ITGA1: variants seen among roughly 807,000 people sequenced by gnomAD.
ITGA1 encodes the protein integrin subunit alpha 1, also known as integrin alpha-1.
ITGA1 carries 85 observed loss-of-function variants against 145.9 expected under a neutral mutation model. The ratio of observed to expected loss-of-function variants is 0.58; its 90% CI spans 0.49 to 0.70. ITGA1 has a LOEUF of 0.70. Ranked by LOEUF, ITGA1 falls within the 30% of genes least tolerant of loss-of-function variation. The pLI, the probability that ITGA1 is intolerant of heterozygous loss-of-function variation, is 0.00. For missense variants in ITGA1, 1,351 were observed against 1,418.7 expected (o/e 0.95, Z 0.77); for synonymous variants, 520 against 495.3 (o/e 1.05, Z -0.66).
intron 1 of ITGA1, among the ~76,000 whole-genome samples, chr5:52,841,630 C>A (rs537987627): frequency 6.6e-6 from 1 of 152,108 alleles, no homozygotes; most frequent in African/African-American, 2.4e-5. Flanking sequence ...ATTTCCAACC[C>A]ATAAGACTAA....
chr5:52,941,115 C>A lies in ITGA1; in HGVS notation c.3285+1171C>A, dbSNP rs550594321. ...TTGCTGCAAAGGACATGATTTTGTTCTTTTTTATGGCTGTGCAGTGTTCCA... is the reference window on the plus strand; with the variant it reads ...TTGCTGCAAAGGACATGATTTTGTTATTTTTTATGGCTGTGCAGTGTTCCA... On this transcript the variant is annotated intron_variant, in intron 26 of 28. Coordinates refer to ENST00000282588, the MANE Select transcript of ITGA1 (RefSeq NM_181501.2). Among the ~76,000 whole-genome samples, 15 of 152,086 alleles carry A rather than the reference C, an allele frequency of 9.9e-5. 1 individual carries two copies. Among genetic ancestry groups the A allele is most frequent in the Admixed American group, 9.8e-4 (15 of 15,266 alleles).
rs887666573 is a variant in ITGA1, at chr5:52,937,059, A to G, written c.2965-342A>G. On this transcript the variant is annotated intron_variant, in intron 23 of 28. Coordinates refer to ENST00000282588, the MANE Select transcript of ITGA1 (RefSeq NM_181501.2). ...AAAGACTGGTATGTTAAAAAAAAAA[A>G]AAAGAAAGAAAAAGAAAAGAATGAG... Among the ~76,000 whole-genome samples, 41 of 141,830 alleles carry G rather than the reference A, an allele frequency of 2.9e-4. 1 individual carries two copies. Among genetic ancestry groups the G allele is most frequent in the African/African-American group, 1.1e-3 (40 of 36,134 alleles). The allele number at this position is 141,830 out of a possible 152,430, so 93.0% of individuals were successfully genotyped here.
At chr5:52,841,430 C>T (rs1749252578) in intron 1 of ITGA1, among the ~76,000 whole-genome samples, 2 of 152,098 alleles carry the variant, frequency 1.3e-5, no homozygotes, top group Non-Finnish European at 1.5e-5. Flanking sequence ...GTCTGTGGCT[C>T]CTCCTTCTCA....
At chr5:52,913,170 C>G (rs531886965) in intron 14 of ITGA1, among the ~76,000 whole-genome samples, 1 of 152,168 alleles carries the variant, frequency 6.6e-6, no homozygotes, top group East Asian at 1.9e-4. Flanking sequence ...TGTTTAACAT[C>G]TGTTAAATTT....
At chr5:52,826,981 A>G (rs1404675969) in intron 1 of ITGA1, among the ~76,000 whole-genome samples, 3 of 152,050 alleles carry the variant, frequency 2.0e-5, no homozygotes, top group Non-Finnish European at 2.9e-5. Flanking sequence ...TAAGAAATAC[A>G]TTTCATAAGA....
chr5:52,865,645 A>G (rs1000808866), intron 5 of ITGA1, 45 bp from the exon 6 acceptor site: 3 of 1,407,018 alleles, frequency 2.1e-6, no homozygotes, highest in Non-Finnish European at 2.8e-6. Context: ...TATGCCTCTG[A>G]AAAAAATAGA....
chr5:52,890,728 G>C (rs1445993794), intron 8 of ITGA1, among the ~76,000 whole-genome samples: 1 of 152,074 alleles, frequency 6.6e-6, no homozygotes, highest in Non-Finnish European at 1.5e-5. Flanking sequence ...CTTTGTGTTG[G>C]GAATATTCCA....
At position 52,788,212 on chromosome 5, in the gene ITGA1, G is replaced by C; in HGVS notation, c.-142G>C. 1 of 539,932 alleles carries C rather than the reference G, an allele frequency of 1.9e-6. No individual in the cohort carries two copies. Among genetic ancestry groups the C allele is most frequent in the Non-Finnish European group, 3.1e-6 (1 of 321,458 alleles). The allele number at this position is 539,932 out of a possible 1,614,324, so 33.4% of individuals were successfully genotyped here. On this transcript the variant is annotated 5_prime_UTR_variant, in exon 1 of 29. Transcript: ENST00000282588. ...AAACACAGGAAATCACTCCTCTCCC[G>C]CTCCTGGGCGCCGCTGCCACTGGGG...
intron 11 of ITGA1, chr5:52,903,899 T>A (rs530319775): frequency 6.6e-6 from 1 of 152,334 alleles, no homozygotes; most frequent in Non-Finnish European, 1.5e-5. Context: ...CCTGAGATGA[T>A]CTCTTAAAAT....
rs1353358217 is a variant in ITGA1, at chr5:52,910,327, A to C, written c.1765A>C (p.Ile589Leu). The C allele has an allele frequency of 1.9e-6, 3 of 1,613,864 alleles. No homozygotes were observed. Among genetic ancestry groups the C allele is most frequent in the Non-Finnish European group, 1.7e-6 (2 of 1,179,942 alleles). Reference sequence around the variant, plus strand: ...CCTCAATCTTGATGGATTTAATGACATCGTGATAGGAGCTCCGCTGGAAGA... The same window carrying C: ...CCTCAATCTTGATGGATTTAATGACCTCGTGATAGGAGCTCCGCTGGAAGA... The part of the protein sequence containing the change: ...KDLNLDGFND[I>L]VIGAPLEDDH... Residue 589 changes from isoleucine to leucine, a missense_variant, in exon 14 of 29, where the codon ATC (isoleucine) becomes CTC (leucine). Physicochemically the swap from Ile to Leu is conservative, Grantham distance 5 (BLOSUM62 2). Coordinates refer to ENST00000282588, the MANE Select transcript of ITGA1 (RefSeq NM_181501.2).
At chr5:52,924,806 ATGG>A (rs1259176552) in intron 18 of ITGA1, among the ~76,000 whole-genome samples, 1 of 152,170 alleles carries the variant, frequency 6.6e-6, no homozygotes, top group African/African-American at 2.4e-5. Context: ...TGAGTTACAT[ATGG>A]TGGTGGTGGA....
rs999606462 is a variant in ITGA1 at position 52,897,493 on chromosome 5, A to G, written c.1129A>G (p.Met377Val). 6.2e-7 allele frequency: 1 copy of G among 1,613,354 alleles called. No individual in the cohort carries two copies. Among genetic ancestry groups the G allele is most frequent in the Admixed American group, 1.7e-5 (1 of 59,972 alleles). The change falls in exon 10 of 29, where the codon ATG (methionine) becomes GTG (valine). Residue 377 changes from methionine to valine, a missense_variant. By Grantham distance (21) the Met-to-Val change is conservative. Transcript: ENST00000282588. The stretch of plus-strand genomic sequence containing the variant: ...GTCAGCAGCTTCATTTGAAATGGAA[A>G]TGTCTCAGACTGGCTTCAGTGCTCA... ...DQSAASFEME[M>V]SQTGFSAHYS...
intron 1 of ITGA1, among the ~76,000 whole-genome samples, chr5:52,799,509 G>C (rs1748410517): frequency 6.6e-6 from 1 of 152,192 alleles, no homozygotes; most frequent in African/African-American, 2.4e-5. Context: ...GTCCACCCAG[G>C]GGTAAATTCC....
At chr5:52,893,862 C>A (rs777296896) in intron 9 of ITGA1, 22 bp downstream of exon 9, 2 of 1,566,590 alleles carry the variant, frequency 1.3e-6, no homozygotes, top group Non-Finnish European at 1.7e-6. Flanking sequence ...TATCTTATTG[C>A]TGCATGTTCT....
In ITGA1 at chr5:52,910,319, T is replaced by G. The variant is rs1394620761; in HGVS notation, c.1757T>G (p.Phe586Cys). ...AAVKDLNLDG[F>C]NDIVIGAPLE... ...GTAAAAGACCTCAATCTTGATGGAT[T>G]TAATGACATCGTGATAGGAGCTCCG... Residue 586 changes from phenylalanine (F) to cysteine (C), a missense_variant, in exon 14 of 29, where the codon TTT (phenylalanine) becomes TGT (cysteine). Physicochemically the swap from Phe to Cys is radical, Grantham distance 205. Transcript: ENST00000282588. 1 of 1,613,890 alleles carries G rather than the reference T, an allele frequency of 6.2e-7. No homozygotes were observed. Among genetic ancestry groups the G allele is most frequent in the East Asian group, 2.2e-5 (1 of 44,890 alleles).
Position 52,788,231 on chromosome 5 carries a change from A to C in ITGA1, c.-123A>C. On this transcript the variant is annotated 5_prime_UTR_variant, in exon 1 of 29. Coordinates refer to ENST00000282588, the MANE Select transcript of ITGA1 (RefSeq NM_181501.2). ...TCTCCCGCTCCTGGGCGCCGCTGCC[A>C]CTGGGGCAGAGGACTGGGAACCGCG... is the stretch of plus-strand genomic sequence containing the variant. The C allele has an allele frequency of 1.5e-6, 1 of 659,080 alleles. No homozygotes were observed. The allele number at this position is 659,080 out of a possible 1,614,324, so 40.8% of individuals were successfully genotyped here.
chr5:52,911,041 A>G (rs1750510748), intron 14 of ITGA1, among the ~76,000 whole-genome samples: 1 of 6,388 alleles, frequency 1.6e-4, no homozygotes, highest in Non-Finnish European at 3.1e-4. Flanking sequence ...TACTGTATAT[A>G]CTATATATAC....
At chr5:52,941,943 A>G (rs957744383) in intron 26 of ITGA1, among the ~76,000 whole-genome samples, 6 of 152,104 alleles carry the variant, frequency 3.9e-5, no homozygotes, top group Admixed American at 1.3e-4. Context: ...TGTCTTGGTT[A>G]GTTTTTATAT....
rs141670157 is a variant in ITGA1 at position 52,893,241 on chromosome 5, A to G, written c.925-434A>G. 1.1e-4 allele frequency among the ~76,000 whole-genome samples: 16 copies of G among 152,304 alleles called. No homozygotes were observed. In the East Asian group the frequency reaches 2.3e-3, roughly 22 times the overall value. On this transcript the variant is annotated intron_variant, in intron 8 of 28. Transcript: ENST00000282588. ...ATATGTGCTGGACTGTGCCTTGGTA[A>G]TAGTTTCAGGAAGAATTGCTCATTC...
Sources: gnomAD v4.1 joint callset for allele counts (sites outside exome capture counted in the v4.1 genomes callset) on GRCh38, gnomAD v4.1.1 for gene constraint, MANE v1.5 for transcripts, NCBI Gene and HGNC (gene_info 2026-07-23, HGNC 2026-07-21) for gene names.